The following CAMK2A variants were observed in gnomAD, a reference collection of about 807,000 sequenced individuals.
The protein encoded by CAMK2A is calcium/calmodulin-dependent protein kinase type II subunit alpha.
In CAMK2A, 7 loss-of-function variants were observed where a neutral mutation model predicts 79.2. The observed-to-expected ratio is 0.09, with a 90% CI of 0.05 to 0.17. The LOEUF (loss-of-function observed/expected upper bound fraction) is 0.17, where lower values mean the gene tolerates loss of function less well. Ranked by LOEUF, CAMK2A falls within the 10% of genes least tolerant of loss-of-function variation. CAMK2A has a pLI of 1.00. For synonymous variants in CAMK2A, 242 were observed against 251.7 expected (o/e 0.96, Z 0.36); for missense variants, 214 against 646.4 (o/e 0.33, Z 7.25).
At chr5:150,244,710 T>A (rs1755485105) in intron 13 of CAMK2A, among the ~76,000 whole-genome samples, 1 of 151,980 alleles carries the variant, frequency 6.6e-6, no homozygotes, top group Non-Finnish European at 1.5e-5. Flanking sequence ...TGGCTGTCCA[T>A]CCTCCACGAG....
chr5:150,252,720 T>C (rs1681338968), intron 7 of CAMK2A, among the ~76,000 whole-genome samples: 1 of 152,230 alleles, frequency 6.6e-6, no homozygotes, highest in African/African-American at 2.4e-5. Context: ...GTGTGTATGC[T>C]AAGCATTGGG....
intron 18 of CAMK2A, 34 bp downstream of exon 18, chr5:150,222,955 A>AT (rs1328630633): frequency 1.3e-6 from 2 of 1,585,484 alleles, no homozygotes; most frequent in Non-Finnish European, 1.7e-6. Flanking sequence ...CATCCTTTAC[A>AT]TTACCCTGGG....
intron 6 of CAMK2A, among the ~76,000 whole-genome samples, chr5:150,255,329 T>C (rs1017880859): frequency 6.6e-6 from 1 of 152,224 alleles, no homozygotes; most frequent in Non-Finnish European, 1.5e-5. Flanking sequence ...AGAAGCCGTG[T>C]CTGCCCAGGA....
At chr5:150,257,720 G>A in intron 3 of CAMK2A, 103 bp from the exon 4 acceptor site, 2 of 888,984 alleles carry the variant, frequency 2.2e-6, no homozygotes, top group East Asian at 2.6e-5. Flanking sequence ...CCCGCTCCCA[G>A]ACAGTCACTG....
upstream of CAMK2A, chr5:150,289,893 G>A: frequency 2.0e-6 from 1 of 503,360 alleles, no homozygotes; most frequent in Non-Finnish European, 3.6e-6. Flanking sequence ...CCCAACACCT[G>A]CCTGCCTTCC....
At chr5:150,255,850 T>C (rs1285213534) in intron 6 of CAMK2A, among the ~76,000 whole-genome samples, 1 of 152,172 alleles carries the variant, frequency 6.6e-6, no homozygotes, top group Non-Finnish European at 1.5e-5. Flanking sequence ...AACTGCATGT[T>C]CTTGGGCAAA....
At chr5:150,227,768 A>G (rs756418418) in intron 17 of CAMK2A, among the ~76,000 whole-genome samples, 2 of 152,178 alleles carry the variant, frequency 1.3e-5, no homozygotes, top group Non-Finnish European at 1.5e-5. Flanking sequence ...CACTTGCGTA[A>G]CAACCCACCA....
intron 17 of CAMK2A, among the ~76,000 whole-genome samples, chr5:150,227,130 T>C (rs147072973): frequency 1.2e-4 from 18 of 152,298 alleles, no homozygotes; most frequent in African/African-American, 4.3e-4. Flanking sequence ...ATCAGTATCA[T>C]GAATAAAGTT....
chr5:150,250,370 A>G (rs1415510148), intron 10 of CAMK2A, 61 bp from the exon 11 acceptor site: 2 of 1,394,820 alleles, frequency 1.4e-6, no homozygotes, highest in Non-Finnish European at 2.0e-6. Context: ...GGCCCACCCA[A>G]GGGTACCCTT....
chr5:150,248,242 G>T (rs1279418767), intron 11 of CAMK2A, among the ~76,000 whole-genome samples: 5 of 151,150 alleles, frequency 3.3e-5, no homozygotes, highest in Middle Eastern at 3.5e-3. Flanking sequence ...CTTGCTCCAG[G>T]ACTAGCTCAT....
chr5:150,247,868 A>G, intron 11 of CAMK2A, 54 bp from the exon 12 acceptor site: 1 of 1,498,230 alleles, frequency 6.7e-7, no homozygotes, highest in Non-Finnish European at 9.3e-7. Context: ...GAAGGGACCC[A>G]GGAGGGACAG....
intron 14 of CAMK2A, 123 bp from the exon 15 acceptor site, chr5:150,238,871 G>T: frequency 1.3e-6 from 1 of 798,168 alleles, no homozygotes; most frequent in South Asian, 1.9e-5. Context: ...CCTTCCAGAT[G>T]CTGTCCTGAA....
At chr5:150,250,424 A>C in intron 10 of CAMK2A, 115 bp from the exon 11 acceptor site, 1 of 922,882 alleles carries the variant, frequency 1.1e-6, no homozygotes, top group Non-Finnish European at 1.7e-6. Flanking sequence ...TCTTGGGAAG[A>C]ACGATTCATT....
intron 7 of CAMK2A, 86 bp from the exon 8 acceptor site, chr5:150,252,151 AT>A: frequency 9.6e-7 from 1 of 1,038,638 alleles, no homozygotes; most frequent in Non-Finnish European, 1.5e-6. Context: ...GGAAGAGGGG[AT>A]GAGGATTGCT....
intron 15 of CAMK2A, 64 bp from the exon 16 acceptor site, chr5:150,231,444 A>G: frequency 1.6e-6 from 1 of 612,786 alleles, no homozygotes; most frequent in Non-Finnish European, 2.4e-6. Context: ...TAATAATAAT[A>G]GTGATGGTAA....
At position 150,248,199 on chromosome 5, in the gene CAMK2A, A is replaced by G. The variant is rs1755656872; in HGVS notation, c.901-385T>C. On this transcript the variant is annotated intron_variant, in intron 11 of 18. Transcript: ENST00000671881. ...AGACCTCGTGTCCCCCAACCCCTCC[A>G]CCTCTTAGCCCTCTGCCCCGTGCTG... 2.0e-5 allele frequency among the ~76,000 whole-genome samples: 3 copies of G among 150,428 alleles called. No individual in the cohort carries two copies. In the South Asian group the frequency reaches 6.3e-4, roughly 32 times the overall value.
intron 1 of CAMK2A, among the ~76,000 whole-genome samples, chr5:150,286,746 G>C (rs539119137): frequency 1.4e-3 from 213 of 152,214 alleles, no homozygotes; most frequent in African/African-American, 4.9e-3. Context: ...AGGCCAGCCA[G>C]GGGGGAAGCA....
intron 13 of CAMK2A, among the ~76,000 whole-genome samples, chr5:150,241,330 C>T (rs1168385130): frequency 1.3e-5 from 2 of 150,650 alleles, no homozygotes; most frequent in African/African-American, 4.9e-5. Flanking sequence ...CCTCTCCTCC[C>T]TCCTCTCCTT....
chr5:150,248,460 T>C (rs1176687158), intron 11 of CAMK2A, among the ~76,000 whole-genome samples: 1 of 150,646 alleles, frequency 6.6e-6, no homozygotes, highest in South Asian at 2.1e-4. Context: ...ACATTAGGTA[T>C]ATCTCCTAAT....
Sources: allele counts gnomAD v4.1 joint callset (sites outside exome capture counted in the v4.1 genomes callset), GRCh38; gene constraint gnomAD v4.1.1; transcripts MANE v1.5; gene names NCBI Gene and HGNC (gene_info 2026-07-23, HGNC 2026-07-21).